Variants in CNTN3 observed in about 807,000 individuals in gnomAD.
The protein encoded by CNTN3 is contactin-3.
Under a neutral mutation model 119.1 loss-of-function variants are expected in CNTN3, and 60 were observed. That is an observed-to-expected ratio of 0.50 (90% CI 0.41 to 0.62). CNTN3 has a LOEUF of 0.62. Ranked by LOEUF, CNTN3 falls within the 20% of genes least tolerant of loss-of-function variation. The pLI, the probability that CNTN3 is intolerant of heterozygous loss-of-function variation, is 0.00. For synonymous variants in CNTN3, 450 were observed against 438.7 expected (o/e 1.03, Z -0.32); for missense variants, 1,101 against 1,242.4 (o/e 0.89, Z 1.71).
chr3:74,295,027 C>T, intron 19 of CNTN3, 94 bp downstream of exon 19: 1 of 788,638 alleles, frequency 1.3e-6, no homozygotes, highest in Non-Finnish European at 2.0e-6. Flanking sequence ...CAAAGACAGA[C>T]TTCAAATAAG....
chr3:74,369,866 G>A, intron 7 of CNTN3, 23 bp downstream of exon 7: 2 of 1,236,900 alleles, frequency 1.6e-6, no homozygotes, highest in East Asian at 2.4e-5. Context: ...TCAGCACATA[G>A]GAGTAAATGT....
chr3:74,344,645 T>G (rs373800584), intron 11 of CNTN3, among the ~76,000 whole-genome samples: 197 of 151,962 alleles, frequency 1.3e-3, no homozygotes, highest in African/African-American at 4.6e-3. Context: ...ATTTTTAGTA[T>G]AGACGAGGTT....
At chr3:74,571,177 G>GC (rs1704327391) in intron 1 of CNTN3, among the ~76,000 whole-genome samples, 2 of 152,288 alleles carry the variant, frequency 1.3e-5, no homozygotes, top group South Asian at 4.1e-4. Context: ...TAGTTTGAGA[G>GC]CCATTTAATA....
intron 12 of CNTN3, among the ~76,000 whole-genome samples, chr3:74,335,622 C>G (rs1703374679): frequency 6.6e-6 from 1 of 152,102 alleles, no homozygotes. Context: ...CTCTTTAACT[C>G]AGTCTAGCCA....
chr3:74,320,938 T>C (rs961865639), intron 13 of CNTN3, among the ~76,000 whole-genome samples: 6 of 150,618 alleles, frequency 4.0e-5, no homozygotes, highest in African/African-American at 9.8e-5. Context: ...TCAATAAATA[T>C]ATGTTGAATT....
At chr3:74,335,556 A>C (rs1339873483) in intron 12 of CNTN3, among the ~76,000 whole-genome samples, 3 of 152,132 alleles carry the variant, frequency 2.0e-5, no homozygotes, top group Non-Finnish European at 4.4e-5. Context: ...ACGTTGGACC[A>C]AAGTCTTCAA....
chr3:74,546,562 T>C (rs530409931), intron 1 of CNTN3, among the ~76,000 whole-genome samples: 8 of 152,262 alleles, frequency 5.3e-5, no homozygotes, highest in African/African-American at 1.7e-4. Flanking sequence ...CCTACATCTT[T>C]TTCCTGTGCT....
At chr3:74,584,461 GA>G (rs1704562354) in intron 1 of CNTN3, among the ~76,000 whole-genome samples, 1 of 151,958 alleles carries the variant, frequency 6.6e-6, no homozygotes, top group Non-Finnish European at 1.5e-5. Context: ...TGAGGGTAAC[GA>G]GTGAGTTCTT....
rs967704215 is a variant in CNTN3, at chr3:74,344,695, G to A, written c.1365-8037C>T. Among the ~76,000 whole-genome samples the A allele has an allele frequency of 8.6e-5, 13 of 151,938 alleles. No individual in the cohort carries two copies. In the South Asian group the frequency reaches 1.0e-3, roughly 12 times the overall value. ...AGGATGGTCGCAATTTCCTGACCTC[G>A]TGATCCGCCCGCCTCGGCCTCCCAA... is the stretch of plus-strand genomic sequence containing the variant. On this transcript the variant is annotated intron_variant, in intron 11 of 22. Coordinates refer to ENST00000263665, the MANE Select transcript of CNTN3 (RefSeq NM_020872.3).
intron 3 of CNTN3, among the ~76,000 whole-genome samples, chr3:74,496,288 T>C (rs1204483492): frequency 6.6e-6 from 1 of 152,120 alleles, no homozygotes; most frequent in African/African-American, 2.4e-5. Flanking sequence ...AAGTTAGAGA[T>C]TCCAAAATGA....
At position 74,396,051 on chromosome 3, in the gene CNTN3, T is replaced by C. The variant is rs571321662; in HGVS notation, c.455-24652A>G. Among the ~76,000 whole-genome samples the C allele has an allele frequency of 5.1e-4, 77 of 152,326 alleles. No individual in the cohort carries two copies. The South Asian group carries it at 0.015, about 30-fold the overall frequency. On this transcript the variant is annotated intron_variant, in intron 5 of 22. Coordinates refer to ENST00000263665, the MANE Select transcript of CNTN3 (RefSeq NM_020872.3). ...GTTCTGATTACTCTACTAACTGGTG[T>C]TTCCCCTGTCTCTCTCTCTTTTCTC...
intron 7 of CNTN3, 49 bp from the exon 8 acceptor site, chr3:74,369,422 A>C (rs199735276): frequency 2.1e-6 from 3 of 1,426,616 alleles, no homozygotes; most frequent in Non-Finnish European, 2.8e-6. Context: ...AAGCCTTTTC[A>C]ACTTGAGAAA....
At chr3:74,348,219 G>A (rs907707361) in intron 11 of CNTN3, among the ~76,000 whole-genome samples, 2 of 151,690 alleles carry the variant, frequency 1.3e-5, no homozygotes, top group Non-Finnish European at 2.9e-5. Context: ...GTAACTATGT[G>A]CGGTGATAGA....
intron 4 of CNTN3, among the ~76,000 whole-genome samples, chr3:74,477,471 T>C (rs1367789372): frequency 1.3e-5 from 2 of 152,050 alleles, no homozygotes; most frequent in Non-Finnish European, 2.9e-5. Context: ...TGACATCATG[T>C]TGAGTGAAGT....
chr3:74,324,574 G>A (rs1703084246), intron 13 of CNTN3, among the ~76,000 whole-genome samples: 1 of 152,162 alleles, frequency 6.6e-6, no homozygotes, highest in Admixed American at 6.5e-5. Context: ...TCTGCCAGAA[G>A]TTTTCTTTAA....
chr3:74,328,568 C>T (rs1703184544), intron 13 of CNTN3, among the ~76,000 whole-genome samples: 2 of 152,066 alleles, frequency 1.3e-5, no homozygotes, highest in Non-Finnish European at 2.9e-5. Flanking sequence ...TTAAGTCTAC[C>T]TTACAGGATT....
intron 5 of CNTN3, among the ~76,000 whole-genome samples, chr3:74,416,411 G>C (rs1222662949): frequency 6.6e-6 from 1 of 152,136 alleles, no homozygotes; most frequent in African/African-American, 2.4e-5. Flanking sequence ...GAGATACAGA[G>C]GTTAGGCAAC....
chr3:74,489,028 A>G (rs747664807), intron 3 of CNTN3, among the ~76,000 whole-genome samples: 1 of 152,166 alleles, frequency 6.6e-6, no homozygotes, highest in Non-Finnish European at 1.5e-5. Flanking sequence ...ACCTTCTTTC[A>G]TCTTATTCCA....
intron 1 of CNTN3, among the ~76,000 whole-genome samples, chr3:74,577,896 T>C (rs1469954938): frequency 6.6e-6 from 1 of 152,102 alleles, no homozygotes; most frequent in Non-Finnish European, 1.5e-5. Context: ...AAGCATTCCA[T>C]ATGTATTTGT....
Sources: allele counts gnomAD v4.1 joint callset (sites outside exome capture counted in the v4.1 genomes callset), GRCh38; gene constraint gnomAD v4.1.1; transcripts MANE v1.5; gene names NCBI Gene and HGNC (gene_info 2026-07-23, HGNC 2026-07-21).